REV3L: variants seen among roughly 807,000 people sequenced by gnomAD.
The protein encoded by REV3L is DNA polymerase zeta catalytic subunit.
A neutral mutation model predicts 299.4 loss-of-function variants in REV3L; 69 were observed. The observed-to-expected ratio is 0.23, with a 90% CI of 0.19 to 0.28. REV3L has a LOEUF of 0.28. Ranked by LOEUF, REV3L falls within the 10% of genes least tolerant of loss-of-function variation. The pLI, the probability that REV3L is intolerant of heterozygous loss-of-function variation, is 1.00. For missense variants in REV3L, 3,128 were observed against 3,693.8 expected (o/e 0.85, Z 3.97); for synonymous variants, 1,238 against 1,271.4 (o/e 0.97, Z 0.56).
chr6:111,341,715 G>A (rs1419392928), intron 21 of REV3L, among the ~76,000 whole-genome samples: 1 of 151,922 alleles, frequency 6.6e-6, no homozygotes, highest in Non-Finnish European at 1.5e-5. Context: ...TCTGTGGGAC[G>A]GAGCACAGGA....
chr6:111,441,710 T>TA (rs1338884700), intron 1 of REV3L, among the ~76,000 whole-genome samples: 9 of 152,238 alleles, frequency 5.9e-5, no homozygotes, highest in African/African-American at 9.6e-5. Flanking sequence ...TTATAGGTGT[T>TA]AGAGGCTAAT....
rs771625245 is a variant in REV3L at position 111,373,550 on chromosome 6, T to C, written c.4805A>G (p.Asp1602Gly). Reference protein sequence around the residue: ...KEKIPKLLKVDSLNLQNSSQL... With the variant: ...KEKIPKLLKVGSLNLQNSSQL... Reference sequence around the variant, plus strand: ...GCTAGAGTTTTGTAAATTTAAAGAGTCTACTTTGAGAAGTTTGGGGATTTT... The same window carrying C: ...GCTAGAGTTTTGTAAATTTAAAGAGCCTACTTTGAGAAGTTTGGGGATTTT... Residue 1602 changes from aspartate (D) to glycine (G), a missense_variant, in exon 13 of 32, where the codon GAC becomes GGC. Asp to Gly is a moderately conservative substitution (Grantham distance 94). Around this residue, in one of 9 missense-constraint regions of REV3L, gnomAD observed 2,409 missense variants for 2,611.8 expected, o/e 0.92. Transcript: ENST00000368802. 2 of 1,613,780 alleles carry C rather than the reference T, an allele frequency of 1.2e-6. No individual in the cohort carries two copies. Among genetic ancestry groups the C allele is most frequent in the Admixed American group, 1.7e-5 (1 of 59,908 alleles).
chr6:111,363,091 AT>A (rs1778864181), intron 16 of REV3L, among the ~76,000 whole-genome samples: 1 of 152,172 alleles, frequency 6.6e-6, no homozygotes, highest in South Asian at 2.1e-4. Context: ...GCTGATGTAT[AT>A]TTTTGCAAAG....
intron 11 of REV3L, among the ~76,000 whole-genome samples, chr6:111,378,800 T>C (rs891852697): frequency 2.0e-5 from 3 of 152,200 alleles, no homozygotes; most frequent in African/African-American, 7.2e-5. Flanking sequence ...CATAAAGGCA[T>C]TTCTCATTCA....
chr6:111,303,697 A>T (rs1299192852), intron 31 of REV3L, among the ~76,000 whole-genome samples: 119 of 8,076 alleles, frequency 0.015, 25 homozygotes, highest in East Asian at 0.036. Context: ...TTAACAGACT[A>T]TGACTTTTTT....
intron 19 of REV3L, 107 bp downstream of exon 19, chr6:111,351,569 G>T: frequency 3.0e-6 from 2 of 664,406 alleles, no homozygotes; most frequent in South Asian, 2.2e-5. Flanking sequence ...ACACAACTTA[G>T]TACTAAAAAA....
chr6:111,430,268 T>C (rs573108670), intron 1 of REV3L: 206 of 964,584 alleles, frequency 2.1e-4, no homozygotes, highest in African/African-American at 2.1e-3. Flanking sequence ...GGCGAGACAA[T>C]TGCAGAGAAA....
rs528974905 is a variant in REV3L at position 111,430,508 on chromosome 6, G to C, written c.140-14036C>G. On this transcript the variant is annotated intron_variant, in intron 1 of 31. Transcript: ENST00000368802. ...CTGCAAAGAAGCGGTTGCACTCGGGGATGAAAATTCTTAGACATGAAAGAA... is the reference window on the plus strand; with the variant it reads ...CTGCAAAGAAGCGGTTGCACTCGGGCATGAAAATTCTTAGACATGAAAGAA... 17 of 1,555,542 alleles carry C rather than the reference G, an allele frequency of 1.1e-5. No homozygotes were observed. In the South Asian group the frequency reaches 1.9e-4, roughly 17 times the overall value.
chr6:111,308,720 C>A (rs1009124696), intron 30 of REV3L, among the ~76,000 whole-genome samples: 1 of 152,174 alleles, frequency 6.6e-6, no homozygotes, highest in African/African-American at 2.4e-5. Context: ...TTTTGCTGTA[C>A]ATTTATTTTC....
Position 111,300,733 on chromosome 6 carries a change from C to T in REV3L, c.9253-577G>A, listed in dbSNP as rs576415092. On this transcript the variant is annotated intron_variant, in intron 31 of 31. Coordinates refer to ENST00000368802, the MANE Select transcript of REV3L (RefSeq NM_001372078.1). ...ACATTTATCACTTCCCCAATCAATA[C>T]TCTTATAATTTCCTATGCCTGTCTT... is the stretch of plus-strand genomic sequence containing the variant. Among the ~76,000 whole-genome samples the T allele has an allele frequency of 2.6e-5, 4 of 152,258 alleles. No individual in the cohort carries two copies. The East Asian group carries it at 5.8e-4, about 22-fold the overall frequency.
chr6:111,456,257 C>T (rs1193800970), intron 1 of REV3L, among the ~76,000 whole-genome samples: 1 of 152,072 alleles, frequency 6.6e-6, no homozygotes, highest in African/African-American at 2.4e-5. Flanking sequence ...TTCTGTTCTA[C>T]AACTGCAAGA....
intron 1 of REV3L, chr6:111,430,274 A>C (rs1475017379): frequency 9.8e-7 from 1 of 1,019,878 alleles, no homozygotes; most frequent in Non-Finnish European, 1.6e-6. Context: ...ACAATTGCAG[A>C]GAAAAGATCC....
chr6:111,362,777 TAA>T (rs1249820267), intron 16 of REV3L, among the ~76,000 whole-genome samples: 1 of 152,156 alleles, frequency 6.6e-6, no homozygotes, highest in Non-Finnish European at 1.5e-5. Flanking sequence ...TCATACAACT[TAA>T]GAGTAAAAAA....
At chr6:111,345,430 G>C (rs573388686) in intron 20 of REV3L, among the ~76,000 whole-genome samples, 1 of 152,204 alleles carries the variant, frequency 6.6e-6, no homozygotes, top group East Asian at 1.9e-4. Context: ...GAATTTTAAA[G>C]GAAAAGGACT....
chr6:111,450,488 A>AAAC (rs1291619989), intron 1 of REV3L, among the ~76,000 whole-genome samples: 4 of 149,670 alleles, frequency 2.7e-5, no homozygotes, highest in African/African-American at 9.8e-5. Context: ...CAAAAAAAAA[A>AAAC]AAAAAAAAAA....
At chr6:111,415,764 C>G (rs965855101) in intron 2 of REV3L, among the ~76,000 whole-genome samples, 19 of 152,024 alleles carry the variant, frequency 1.2e-4, no homozygotes, top group Non-Finnish European at 2.4e-4. Context: ...CCTGATTACT[C>G]TAAAATTGTC....
chr6:111,351,865 T>C lies in REV3L; in HGVS notation c.7185-74A>G, dbSNP rs56068725. 273 of 1,000,320 alleles carry C rather than the reference T, an allele frequency of 2.7e-4. No homozygotes were observed. The African/African-American group carries it at 4.0e-3, about 14-fold the overall frequency. The allele number at this position is 1,000,320 out of a possible 1,614,324, so 62.0% of individuals were successfully genotyped here. ...TTTAACCAGAATAATTGTTTCTTCA[T>C]GATATAAGGTATGAAAACAAAAACC... On this transcript the variant is annotated intron_variant, in intron 18 of 31. Transcript: ENST00000368802.
Position 111,343,935 on chromosome 6 carries a change from C to A in REV3L, c.7528G>T (p.Asp2510Tyr). 6.3e-7 allele frequency: 1 copy of A among 1,588,330 alleles called. No individual in the cohort carries two copies. Among genetic ancestry groups the A allele is most frequent in the Non-Finnish European group, 8.6e-7 (1 of 1,159,720 alleles). The change falls in exon 21 of 32, where the codon GAT becomes TAT. Residue 2510 changes from aspartate (D) to tyrosine (Y), a missense_variant. Coordinates refer to ENST00000368802, the MANE Select transcript of REV3L (RefSeq NM_001372078.1). ...GTTATAGAACAGTACCTGTATAGAT[C>A]TGTCTTGTTATCAAACCAGTCTGAC... The part of the protein sequence containing the change: ...VLSDWFDNKT[D>Y]LYRWKMVDHY...
chr6:111,416,446 C>T lies in REV3L; in HGVS notation c.166G>A (p.Gly56Ser). The change falls in exon 2 of 32, where the codon GGC (glycine) becomes AGC (serine). Residue 56 changes from glycine (G) to serine (S), a missense_variant. Gly to Ser is a moderately conservative substitution (Grantham distance 56). Coordinates refer to ENST00000368802, the MANE Select transcript of REV3L (RefSeq NM_001372078.1). ...AGQKTCLHLH[G>S]IFPYLYVPYD... ...GGCACATAGAGGTAAGGAAAGATGC[C>T]ATGTAGATGAAGACATGTCTTCTGA... 1 of 1,613,194 alleles carries T rather than the reference C, an allele frequency of 6.2e-7. No homozygotes were observed.
Sources: gnomAD v4.1 joint callset for allele counts (sites outside exome capture counted in the v4.1 genomes callset) on GRCh38, gnomAD v4.1.1 for gene constraint, gnomAD v4.1.1 regional missense constraint, MANE v1.5 for transcripts, NCBI Gene and HGNC (gene_info 2026-07-23, HGNC 2026-07-21) for gene names.